Variants in EP400 observed in about 807,000 individuals in gnomAD.
EP400 encodes E1A binding protein p400.
In EP400, 105 loss-of-function variants were observed where a neutral mutation model predicts 354.1. That is an observed-to-expected ratio of 0.30 (90% CI 0.25 to 0.35). EP400 has a LOEUF of 0.35. EP400 is among the 10% of genes least tolerant of loss of function. The pLI is 1.00. For missense variants in EP400, 3,280 were observed against 4,121.0 expected (o/e 0.80, Z 5.59); for synonymous variants, 1,646 against 1,716.9 (o/e 0.96, Z 1.02).
chr12:132,001,383 A>G (rs1432500941), intron 12 of EP400, among the ~76,000 whole-genome samples: 2 of 152,242 alleles, frequency 1.3e-5, no homozygotes, highest in Admixed American at 6.5e-5. Context: ...TTATTTCTGC[A>G]TATCAGAGAC....
At chr12:131,966,903 C>CAAA (rs1179689543) in intron 2 of EP400, among the ~76,000 whole-genome samples, 658 of 57,638 alleles carry the variant, frequency 0.011, 32 homozygotes, top group African/African-American at 0.043. Context: ...AGACTTGTCT[C>CAAA]AAAAAAAAAA....
intron 23 of EP400, among the ~76,000 whole-genome samples, chr12:132,022,084 A>C (rs1894139669): frequency 6.6e-6 from 1 of 152,224 alleles, no homozygotes; most frequent in African/African-American, 2.4e-5. Flanking sequence ...ACTTGAGTTC[A>C]AACTAATTCT....
rs752090116 is a variant in EP400, at chr12:132,028,135, G to T, written c.5228G>T (p.Ser1743Ile). ...TTGCTAAGGATTTGTGCCCTGCCTA[G>T]CCATGGAAGGGTACAGTGGCGTGGG... ...RDLLRICALP[S>I]HGRVQWRGSL... Residue 1743 changes from serine (S) to isoleucine (I), a missense_variant, in exon 27 of 53, where the codon AGC becomes ATC. Physicochemically the swap from Ser to Ile is moderately radical, Grantham distance 142. Transcript: ENST00000389561. The T allele has an allele frequency of 3.1e-6, 5 of 1,614,082 alleles. No individual in the cohort carries two copies. The highest frequency in any genetic ancestry group is 2.7e-5 in the African/African-American group (2 of 74,932).
chr12:132,040,364 G>A (rs1306941284), intron 32 of EP400, among the ~76,000 whole-genome samples: 1 of 152,022 alleles, frequency 6.6e-6, no homozygotes, highest in African/African-American at 2.4e-5. Flanking sequence ...CCCACTGCTG[G>A]GTGTATATCC....
Position 132,034,546 on chromosome 12 carries a change from C to T in EP400, c.5951+2397C>T, listed in dbSNP as rs188527302. Reference sequence around the variant, plus strand: ...TGATGAAGGCCGCCATCATGATGCTCAGTGTTGCGGGTGGGAGTGTGCCCC... The same window carrying T: ...TGATGAAGGCCGCCATCATGATGCTTAGTGTTGCGGGTGGGAGTGTGCCCC... On this transcript the variant is annotated intron_variant, in intron 30 of 52. Coordinates refer to ENST00000389561, the MANE Select transcript of EP400 (RefSeq NM_015409.5). 3.7e-4 allele frequency among the ~76,000 whole-genome samples: 57 copies of T among 152,330 alleles called. 1 individual carries two copies. In the East Asian group the frequency reaches 9.6e-3, roughly 26 times the overall value.
At chr12:131,989,878 GAGA>G in intron 7 of EP400, 83 bp from the exon 8 acceptor site, 1 of 1,500,500 alleles carries the variant, frequency 6.7e-7, no homozygotes, top group Non-Finnish European at 9.0e-7. Context: ...ATTTTAGTCT[GAGA>G]AGATTTAAAA....
At chr12:132,020,999 T>G in intron 22 of EP400, 80 bp from the exon 23 acceptor site, 1 of 1,444,128 alleles carries the variant, frequency 6.9e-7, no homozygotes, top group Admixed American at 2.5e-5. Flanking sequence ...TTATTTTATT[T>G]CTTTAAAATT....
chr12:132,015,122 C>T (rs1893886780), intron 19 of EP400, among the ~76,000 whole-genome samples: 2 of 152,360 alleles, frequency 1.3e-5, no homozygotes, highest in East Asian at 3.9e-4. Context: ...CCTGTGAATG[C>T]AGCATGCTTA....
chr12:131,956,362 A>G (rs1394633668), intron 1 of EP400, among the ~76,000 whole-genome samples: 1 of 152,178 alleles, frequency 6.6e-6, no homozygotes, highest in Non-Finnish European at 1.5e-5. Flanking sequence ...GTGTTATGCA[A>G]TTGGTAACCT....
intron 15 of EP400, among the ~76,000 whole-genome samples, chr12:132,008,303 C>T (rs1389833189): frequency 6.6e-6 from 1 of 152,194 alleles, no homozygotes; most frequent in African/African-American, 2.4e-5. Flanking sequence ...TGCCACAGCA[C>T]TGTTGTTGAA....
At chr12:131,997,187 C>T (rs1013524746) in intron 12 of EP400, among the ~76,000 whole-genome samples, 7 of 151,936 alleles carry the variant, frequency 4.6e-5, no homozygotes, top group Non-Finnish European at 7.4e-5. Flanking sequence ...TCCTTCAAAA[C>T]TTACTAATAG....
intron 12 of EP400, among the ~76,000 whole-genome samples, chr12:132,002,735 C>G (rs1893458320): frequency 6.6e-6 from 1 of 152,238 alleles, no homozygotes; most frequent in Admixed American, 6.5e-5. Flanking sequence ...TACGGTCATT[C>G]TCACATATGG....
At position 131,979,589 on chromosome 12, in the gene EP400, T is replaced by C. The variant is rs149272678; in HGVS notation, c.1336-105T>C. On this transcript the variant is annotated intron_variant, in intron 2 of 52. Coordinates refer to ENST00000389561, the MANE Select transcript of EP400 (RefSeq NM_015409.5). Reference sequence around the variant, plus strand: ...CACGGGGTAGATAACATTCCTGTTATTAGAAAGGAAGGAGGTCGATGTTTG... The same window carrying C: ...CACGGGGTAGATAACATTCCTGTTACTAGAAAGGAAGGAGGTCGATGTTTG... 846 of 914,790 alleles carry C rather than the reference T, an allele frequency of 9.2e-4. 7 individuals are homozygous for C. The African/African-American group carries it at 0.013, about 14-fold the overall frequency. 56.7% of individuals were successfully genotyped at this position (914,790 alleles called of 1,614,324 possible). A position where few individuals can be genotyped will look rare whatever the true frequency, so the allele number is the denominator to read the frequency against.
chr12:132,006,430 C>CA, intron 14 of EP400, 128 bp downstream of exon 14: 18 of 1,189,348 alleles, frequency 1.5e-5, no homozygotes, highest in Non-Finnish European at 2.1e-5. Context: ...TCAGAAAAAG[C>CA]AATTCTTCAT....
At chr12:132,030,276 T>C in intron 29 of EP400, 118 bp downstream of exon 29, 1 of 1,210,134 alleles carries the variant, frequency 8.3e-7, no homozygotes, top group Non-Finnish European at 1.2e-6. Context: ...AGGGACTTAA[T>C]GAGCTTCTGA....
intron 45 of EP400, among the ~76,000 whole-genome samples, chr12:132,056,167 G>A (rs1226983027): frequency 2.0e-5 from 3 of 152,070 alleles, no homozygotes; most frequent in Admixed American, 6.5e-5. Context: ...GTGAGAATAA[G>A]GAGCTCAGAT....
intron 2 of EP400, among the ~76,000 whole-genome samples, chr12:131,974,403 A>C (rs1207699749): frequency 6.6e-6 from 1 of 152,098 alleles, no homozygotes; most frequent in Non-Finnish European, 1.5e-5. Flanking sequence ...GGCATGAGCC[A>C]CTACACCTGG....
Position 132,005,112 on chromosome 12 carries a change from G to A in EP400, c.2863G>A (p.Glu955Lys), listed in dbSNP as rs780088535. ...CCTCCTGGACCTGATGAAGCTGTAC[G>A]AAGGCGCCTTCCTGCCGAGTTCTCA... ...LPLLDLMKLY[E>K]GAFLPSSQWP... is the part of the protein sequence containing the mutation. The change falls in exon 13 of 53, where the codon GAA becomes AAA. Residue 955 changes from glutamate to lysine, a missense_variant. By Grantham distance (56) the Glu-to-Lys change is moderately conservative. Coordinates refer to ENST00000389561, the MANE Select transcript of EP400 (RefSeq NM_015409.5). 6 of 1,589,912 alleles carry A rather than the reference G, an allele frequency of 3.8e-6. No homozygotes were observed. Among genetic ancestry groups the A allele is most frequent in the Non-Finnish European group, 5.1e-6 (6 of 1,168,446 alleles).
Position 132,031,960 on chromosome 12 carries a change from TGAG to T in EP400, c.5766_5768del (p.Arg1922del). ...TGTTTTGTTTCATCTTAGGAACTGA[TGAG>T]GAGTTTCAACAGAGACAGGCGGATT... On this transcript the variant is annotated inframe_deletion, in exon 30 of 53. Transcript: ENST00000389561. 1 of 1,609,512 alleles carries T rather than the reference TGAG, an allele frequency of 6.2e-7. No homozygotes were observed. The highest frequency in any genetic ancestry group is 2.2e-5 in the East Asian group (1 of 44,772).
Sources: allele counts gnomAD v4.1 joint callset (sites outside exome capture counted in the v4.1 genomes callset), GRCh38; gene constraint gnomAD v4.1.1; transcripts MANE v1.5; gene names NCBI Gene and HGNC (gene_info 2026-07-23, HGNC 2026-07-21).